Variants in STK32A observed in about 807,000 individuals in gnomAD.
The protein encoded by STK32A is serine/threonine-protein kinase 32A.
A neutral mutation model predicts 53.2 loss-of-function variants in STK32A; 41 were observed. That is an observed-to-expected ratio of 0.77 (90% CI 0.60 to 1.00). The LOEUF (loss-of-function observed/expected upper bound fraction) is 1.00. Among genes scored for constraint, STK32A ranks in the 50% least tolerant of loss-of-function variants. The pLI is 0.00. For synonymous variants in STK32A, 166 were observed against 162.8 expected, an observed-to-expected ratio of 1.02 and a Z score of -0.15; for missense variants, 458 against 485.8, an observed-to-expected ratio of 0.94 and a Z score of 0.54.
chr5:147,300,351 C>T (rs1226695607), intron 4 of STK32A, among the ~76,000 whole-genome samples: 1 of 152,174 alleles, frequency 6.6e-6, no homozygotes, highest in Non-Finnish European at 1.5e-5. Context: ...CTTCCTGCTG[C>T]ACTATACCAT....
intron 4 of STK32A, among the ~76,000 whole-genome samples, chr5:147,293,988 C>T (rs1461818180): frequency 6.6e-6 from 1 of 152,124 alleles, no homozygotes; most frequent in East Asian, 1.9e-4. Flanking sequence ...TCTCAGTCAG[C>T]TTTGACTGCA....
downstream of STK32A, chr5:147,391,570 T>G (rs947521699): frequency 3.3e-5 from 5 of 152,372 alleles, no homozygotes; most frequent in Admixed American, 6.5e-5. Flanking sequence ...TTCCTACACT[T>G]GCATGAGGTG....
At chr5:147,341,547 A>G (rs534220423) in intron 5 of STK32A, among the ~76,000 whole-genome samples, 1 of 152,306 alleles carries the variant, frequency 6.6e-6, no homozygotes, top group Non-Finnish European at 1.5e-5. Flanking sequence ...TAGTCAGGGC[A>G]CAGTTGTGCA....
intron 4 of STK32A, among the ~76,000 whole-genome samples, chr5:147,306,197 G>T (rs1442003093): frequency 6.6e-6 from 1 of 151,790 alleles, no homozygotes; most frequent in East Asian, 1.9e-4. Flanking sequence ...CATTTTTCTG[G>T]TGACTTATGA....
the STK32A span, chr5:147,397,875 A>T: frequency 6.4e-7 from 1 of 1,556,692 alleles, no homozygotes; most frequent in Non-Finnish European, 8.7e-7. Context: ...GCAAAGCCAC[A>T]GTAAGGGTAG....
chr5:147,336,759 A>G (rs1755148928), intron 5 of STK32A, among the ~76,000 whole-genome samples: 1 of 152,118 alleles, frequency 6.6e-6, no homozygotes, highest in Admixed American at 6.6e-5. Flanking sequence ...CGCTCTTAAC[A>G]TGGGTCTGTT....
intron 5 of STK32A, among the ~76,000 whole-genome samples, chr5:147,336,538 C>A (rs1755134642): frequency 6.6e-6 from 1 of 152,114 alleles, no homozygotes; most frequent in Non-Finnish European, 1.5e-5. Flanking sequence ...ACTATATATG[C>A]CCACTATATT....
chr5:147,303,177 A>G (rs1311542944), intron 4 of STK32A, among the ~76,000 whole-genome samples: 1 of 152,210 alleles, frequency 6.6e-6, no homozygotes, highest in African/African-American at 2.4e-5. Context: ...TTTTAGATTA[A>G]GAATTAGATG....
intron 2 of STK32A, among the ~76,000 whole-genome samples, chr5:147,260,648 G>C (rs1047308359): frequency 1.3e-5 from 2 of 152,102 alleles, no homozygotes; most frequent in South Asian, 2.1e-4. Context: ...GGTCCCGGGA[G>C]GTTGACCTGT....
At chr5:147,254,570 G>A (rs1457448776) in intron 2 of STK32A, among the ~76,000 whole-genome samples, 1 of 152,174 alleles carries the variant, frequency 6.6e-6, no homozygotes, top group African/African-American at 2.4e-5. Context: ...TAGAATAATG[G>A]TGGGCGCACA....
chr5:147,374,960 G>T, intron 10 of STK32A, 130 bp from the exon 11 acceptor site: 1 of 663,150 alleles, frequency 1.5e-6, no homozygotes, highest in African/African-American at 1.9e-5. Flanking sequence ...GTAAAACTTA[G>T]AGTGGGAATC....
chr5:147,303,776 G>GT (rs1753259095), intron 4 of STK32A, among the ~76,000 whole-genome samples: 1 of 152,212 alleles, frequency 6.6e-6, no homozygotes, highest in South Asian at 2.1e-4. Context: ...GGAAGAAGTT[G>GT]TTTTGGCATA....
intron 4 of STK32A, among the ~76,000 whole-genome samples, chr5:147,318,279 A>G (rs1289538494): frequency 1.3e-5 from 2 of 152,206 alleles, no homozygotes; most frequent in Admixed American, 1.3e-4. Flanking sequence ...TGCAAAGAAA[A>G]AAAGAATATA....
At chr5:147,367,177 C>T (rs140204914) in intron 8 of STK32A, among the ~76,000 whole-genome samples, 15 of 151,840 alleles carry the variant, frequency 9.9e-5, no homozygotes, top group Non-Finnish European at 1.5e-4. Context: ...TCAACCCTCC[C>T]GCCTGAGCCT....
intron 4 of STK32A, among the ~76,000 whole-genome samples, chr5:147,285,219 A>G (rs1834120): frequency 0.66 from 99,902 of 151,976 alleles, 33,178 homozygotes; most frequent in Admixed American, 0.76. Context: ...ACCCTTTTCA[A>G]CAAATGGTGC....
At chr5:147,291,299 T>C (rs150695544) in intron 4 of STK32A, among the ~76,000 whole-genome samples, 1 of 152,262 alleles carries the variant, frequency 6.6e-6, no homozygotes, top group Non-Finnish European at 1.5e-5. Context: ...TATTCCCAGA[T>C]GGTCCTGTCC....
At chr5:147,311,782 T>C (rs1561711237) in intron 4 of STK32A, among the ~76,000 whole-genome samples, 1 of 152,156 alleles carries the variant, frequency 6.6e-6, no homozygotes, top group Non-Finnish European at 1.5e-5. Context: ...TAAGACTGGG[T>C]CTCACTATGT....
intron 8 of STK32A, among the ~76,000 whole-genome samples, chr5:147,366,578 A>G (rs775252239): frequency 1.3e-5 from 2 of 152,208 alleles, no homozygotes; most frequent in Non-Finnish European, 2.9e-5. Context: ...AGTGATCCGA[A>G]TCTCTTCCAA....
intron 6 of STK32A, among the ~76,000 whole-genome samples, chr5:147,344,449 T>G (rs1755586338): frequency 6.6e-6 from 1 of 152,312 alleles, no homozygotes; most frequent in South Asian, 2.1e-4. Context: ...AATGGTGAGA[T>G]TTAGCATGAA....
Sources: gnomAD v4.1 joint callset for allele counts (sites outside exome capture counted in the v4.1 genomes callset) on GRCh38, gnomAD v4.1.1 for gene constraint, MANE v1.5 for transcripts, NCBI Gene and HGNC (gene_info 2026-07-23, HGNC 2026-07-21) for gene names.